The following SOX5 variants were observed in gnomAD, a reference collection of about 807,000 sequenced individuals.
SOX5 encodes the protein SRY-box transcription factor 5.
SOX5 carries 9 observed loss-of-function variants against 92.0 expected under a neutral mutation model. The ratio of observed to expected loss-of-function variants is 0.10; its 90% CI spans 0.06 to 0.17. The LOEUF is 0.17. Among genes scored for constraint, SOX5 ranks in the 10% least tolerant of loss-of-function variants. The pLI is 1.00. For missense variants in SOX5, 642 were observed against 944.5 expected, an observed-to-expected ratio of 0.68 and a Z score of 4.20; for synonymous variants, 344 against 336.3, an observed-to-expected ratio of 1.02 and a Z score of -0.25.
chr12:24,350,544 G>C (rs1258042850), intron 2 of SOX5, among the ~76,000 whole-genome samples: 1 of 152,058 alleles, frequency 6.6e-6, no homozygotes, highest in Non-Finnish European at 1.5e-5. Flanking sequence ...GGTTATTCCT[G>C]TGTTGGCCAG....
chr12:24,393,857 A>G lies in SOX5; in HGVS notation c.-250-25218T>C, dbSNP rs1311425231. Among the ~76,000 whole-genome samples the G allele has an allele frequency of 6.6e-6, 1 of 152,252 alleles. No homozygotes were observed. The highest frequency in any genetic ancestry group is 2.1e-4 in the South Asian group (1 of 4,834). Reference sequence around the variant, plus strand: ...CTCTTTCTTCAAAAGTTTAAAAGAGAATAGCAAAAGAGAAAAGACTAATTT... The same window carrying G: ...CTCTTTCTTCAAAAGTTTAAAAGAGGATAGCAAAAGAGAAAAGACTAATTT... On this transcript the variant is annotated intron_variant, in intron 1 of 4. Coordinates refer to the SOX5 transcript ENST00000446891. This position sits in a 1 kb window ranked among gnomAD's most constrained non-coding sequence, Gnocchi z 5.0.
At chr12:23,604,303 C>T in intron 9 of SOX5, 84 bp downstream of exon 9, 1 of 1,454,034 alleles carries the variant, frequency 6.9e-7, no homozygotes, top group Non-Finnish European at 9.6e-7. Flanking sequence ...AAGCTAGCTG[C>T]TGGCATACAA....
chr12:24,418,232 CT>C (rs899302327), intron 1 of SOX5, among the ~76,000 whole-genome samples: 2 of 152,174 alleles, frequency 1.3e-5, no homozygotes, highest in Admixed American at 6.6e-5. Flanking sequence ...CTCAATATCC[CT>C]TTCATTCCTT....
chr12:24,449,987 GACT>G (rs1483719632), intron 1 of SOX5, among the ~76,000 whole-genome samples: 1 of 152,086 alleles, frequency 6.6e-6, no homozygotes, highest in East Asian at 1.9e-4. Context: ...CAAATCCTAA[GACT>G]ACCTTTCTTT....
intron 2 of SOX5, among the ~76,000 whole-genome samples, chr12:24,281,809 T>C (rs1856197869): frequency 6.6e-6 from 1 of 152,174 alleles, no homozygotes. Flanking sequence ...TTCTCTTTGA[T>C]AATGAAAAGG....
At chr12:24,024,357 T>C (rs1954644421) in intron 4 of SOX5, among the ~76,000 whole-genome samples, 1 of 152,066 alleles carries the variant, frequency 6.6e-6, no homozygotes, top group African/African-American at 2.4e-5. Context: ...GTGAATTTTA[T>C]ATTAAGACAA....
intron 8 of SOX5, among the ~76,000 whole-genome samples, chr12:23,612,164 A>G (rs1280578674): frequency 3.3e-5 from 5 of 152,142 alleles, no homozygotes; most frequent in African/African-American, 1.2e-4. Flanking sequence ...AGTATATAAA[A>G]CAGAGAAAGG....
At chr12:24,447,561 A>T (rs1483669565) in intron 1 of SOX5, among the ~76,000 whole-genome samples, 1 of 152,244 alleles carries the variant, frequency 6.6e-6, no homozygotes, top group African/African-American at 2.4e-5. Context: ...TAAATAAAGT[A>T]GAGTTGACTT....
At chr12:24,336,537 G>C (rs1484843125) in intron 2 of SOX5, among the ~76,000 whole-genome samples, 1 of 152,116 alleles carries the variant, frequency 6.6e-6, no homozygotes, top group Non-Finnish European at 1.5e-5. Flanking sequence ...AAATCAAATA[G>C]GACATTTTTA....
chr12:23,651,286 G>A (rs559930843), intron 7 of SOX5, among the ~76,000 whole-genome samples: 1 of 151,400 alleles, frequency 6.6e-6, no homozygotes, highest in African/African-American at 2.4e-5. Flanking sequence ...AACTCTTTAG[G>A]GTAGAAATTA....
intron 2 of SOX5, among the ~76,000 whole-genome samples, chr12:24,335,689 T>C (rs1271158311): frequency 6.6e-6 from 1 of 152,006 alleles, no homozygotes; most frequent in Admixed American, 6.6e-5. Context: ...GCTTATCTGT[T>C]TTTAGGGAAG....
At chr12:23,833,780 A>G (rs946809812) in intron 3 of SOX5, among the ~76,000 whole-genome samples, 4 of 151,998 alleles carry the variant, frequency 2.6e-5, no homozygotes, top group Non-Finnish European at 5.9e-5. Flanking sequence ...AAGATTGGAG[A>G]AGATGGAATA....
chr12:24,118,783 T>C (rs1948329347), intron 4 of SOX5, among the ~76,000 whole-genome samples: 2 of 152,116 alleles, frequency 1.3e-5, no homozygotes, highest in South Asian at 4.1e-4. Flanking sequence ...CAGGAGGATA[T>C]ACCAATACCA....
At chr12:23,758,550 C>T (rs1218826647) in intron 3 of SOX5, among the ~76,000 whole-genome samples, 1 of 151,980 alleles carries the variant, frequency 6.6e-6, no homozygotes, top group Non-Finnish European at 1.5e-5. Context: ...ATTGGTACAT[C>T]TGTTTTACCA....
At chr12:23,565,263 A>G (rs990638412) in intron 10 of SOX5, among the ~76,000 whole-genome samples, 7 of 152,186 alleles carry the variant, frequency 4.6e-5, no homozygotes, top group Non-Finnish European at 1.0e-4. Flanking sequence ...CATCATTCTT[A>G]ATGTATAATT....
chr12:24,238,880 A>T (rs1361537661), intron 3 of SOX5, among the ~76,000 whole-genome samples: 2 of 152,206 alleles, frequency 1.3e-5, no homozygotes, highest in Non-Finnish European at 2.9e-5. Flanking sequence ...CTCACATTCA[A>T]TGTCACAATA....
At chr12:23,915,068 T>C (rs1404367738) in intron 1 of SOX5, among the ~76,000 whole-genome samples, 1 of 152,156 alleles carries the variant, frequency 6.6e-6, no homozygotes, top group Non-Finnish European at 1.5e-5. Flanking sequence ...CTATGTTCTT[T>C]CCTACCTCTG....
At chr12:24,334,300 A>G (rs1037618332) in intron 2 of SOX5, among the ~76,000 whole-genome samples, 3 of 152,104 alleles carry the variant, frequency 2.0e-5, no homozygotes, top group African/African-American at 7.2e-5. Context: ...ACGGCAGATT[A>G]AAGACTGAGA....
intron 7 of SOX5, among the ~76,000 whole-genome samples, chr12:23,656,811 C>A (rs967659633): frequency 3.3e-5 from 5 of 151,628 alleles, no homozygotes; most frequent in African/African-American, 1.2e-4. Context: ...GTATACCTAG[C>A]TCTGGAAAAA....
Sources: gnomAD v4.1 joint callset for allele counts (sites outside exome capture counted in the v4.1 genomes callset) on GRCh38, gnomAD v4.1.1 for gene constraint, Gnocchi (gnomAD v3.1) non-coding constraint, MANE v1.5 for transcripts, NCBI Gene and HGNC (gene_info 2026-07-23, HGNC 2026-07-21) for gene names.